Variants in MACROD2 observed in about 807,000 individuals in gnomAD.
The protein encoded by MACROD2 is mono-ADP ribosylhydrolase 2.
Under a neutral mutation model 70.4 loss-of-function variants are expected in MACROD2, and 36 were observed. The observed-to-expected ratio is 0.51, with a 90% CI of 0.39 to 0.68. The LOEUF (loss-of-function observed/expected upper bound fraction) is 0.68, where lower values mean the gene tolerates loss of function less well. MACROD2 is among the 30% of genes least tolerant of loss of function. The pLI is 0.00. For synonymous variants in MACROD2, 172 were observed against 178.8 expected, an observed-to-expected ratio of 0.96 and a Z score of 0.30; for missense variants, 496 against 538.4, an observed-to-expected ratio of 0.92 and a Z score of 0.78.
chr20:15,769,760 T>C (rs1269691725), intron 8 of MACROD2, among the ~76,000 whole-genome samples: 1 of 152,216 alleles, frequency 6.6e-6, no homozygotes, highest in African/African-American at 2.4e-5. Context: ...AAACTAACAC[T>C]GAATCTCCAT....
At chr20:15,402,715 T>G (rs2045946950) in intron 6 of MACROD2, among the ~76,000 whole-genome samples, 1 of 152,212 alleles carries the variant, frequency 6.6e-6, no homozygotes, top group Non-Finnish European at 1.5e-5. Flanking sequence ...ATAGAACTAA[T>G]TTGACACTGC....
intron 3 of MACROD2, among the ~76,000 whole-genome samples, chr20:14,197,676 A>C (rs564015096): frequency 2.4e-4 from 36 of 152,050 alleles, no homozygotes; most frequent in African/African-American, 8.2e-4. Flanking sequence ...CTGAGACAGG[A>C]CAATTGCTTG....
At chr20:14,992,164 A>G (rs1176689778) in intron 5 of MACROD2, among the ~76,000 whole-genome samples, 1 of 152,194 alleles carries the variant, frequency 6.6e-6, no homozygotes, top group Non-Finnish European at 1.5e-5. Context: ...TTTCTGGGTA[A>G]GTAGTTTAAG....
chr20:14,079,237 C>T (rs915678886), intron 2 of MACROD2, among the ~76,000 whole-genome samples: 1 of 152,132 alleles, frequency 6.6e-6, no homozygotes, highest in African/African-American at 2.4e-5. Flanking sequence ...AGGACTATGC[C>T]AGGTACTCTG....
At chr20:15,633,561 T>C (rs538849290) in intron 8 of MACROD2, among the ~76,000 whole-genome samples, 220 of 129,114 alleles carry the variant, frequency 1.7e-3, no homozygotes, top group African/African-American at 7.6e-3. Flanking sequence ...AATAGAAGCA[T>C]CCGTGAATTT....
intron 4 of MACROD2, among the ~76,000 whole-genome samples, chr20:14,530,133 T>C (rs1000503703): frequency 1.3e-5 from 2 of 152,128 alleles, no homozygotes; most frequent in African/African-American, 4.8e-5. Flanking sequence ...GCTGGGGTAA[T>C]TGTACCCCAG....
chr20:15,909,073 C>T (rs192694393), intron 10 of MACROD2, among the ~76,000 whole-genome samples: 46 of 152,300 alleles, frequency 3.0e-4, no homozygotes, highest in African/African-American at 9.1e-4. Context: ...TGGGGTGGCT[C>T]AGAAATTGGG....
intron 5 of MACROD2, among the ~76,000 whole-genome samples, chr20:15,038,502 G>A (rs538691968): frequency 1.3e-5 from 2 of 152,274 alleles, no homozygotes; most frequent in East Asian, 3.9e-4. Context: ...CCTGTTATTG[G>A]TTGTGGCCAA....
chr20:14,691,067 G>A (rs184177152), intron 5 of MACROD2, among the ~76,000 whole-genome samples: 10 of 152,092 alleles, frequency 6.6e-5, no homozygotes, highest in African/African-American at 2.2e-4. Context: ...ACAGGCATGC[G>A]CCACAACACC....
intron 3 of MACROD2, among the ~76,000 whole-genome samples, chr20:14,183,997 T>C (rs1369470373): frequency 6.6e-6 from 1 of 152,210 alleles, no homozygotes; most frequent in Non-Finnish European, 1.5e-5. Context: ...GTCTGTTTAC[T>C]TTTTTGATAG....
intron 5 of MACROD2, among the ~76,000 whole-genome samples, chr20:15,075,141 G>A (rs1601033265): frequency 6.6e-6 from 1 of 152,106 alleles, no homozygotes; most frequent in African/African-American, 2.4e-5. Flanking sequence ...CATATGTTAA[G>A]TGTAGACTCT....
chr20:15,827,996 A>C (rs1223120992), intron 8 of MACROD2, among the ~76,000 whole-genome samples: 1 of 152,182 alleles, frequency 6.6e-6, no homozygotes, highest in Admixed American at 6.5e-5. Flanking sequence ...TTTGTACATT[A>C]CCAGAGAAAA....
chr20:15,957,873 G>T (rs2066000133), intron 12 of MACROD2, among the ~76,000 whole-genome samples: 1 of 152,206 alleles, frequency 6.6e-6, no homozygotes, highest in Non-Finnish European at 1.5e-5. Flanking sequence ...TGGTGTGGGT[G>T]TGCCAAGAGG....
chr20:14,693,067 C>T (rs1374867522), intron 5 of MACROD2, among the ~76,000 whole-genome samples: 3 of 152,088 alleles, frequency 2.0e-5, no homozygotes, highest in Non-Finnish European at 2.9e-5. Context: ...CTCCTATTTC[C>T]TATGTGATCA....
At chr20:14,322,183 T>TATATATATATATATATATAC (rs1446290543) in intron 3 of MACROD2, among the ~76,000 whole-genome samples, 6 of 126,102 alleles carry the variant, frequency 4.8e-5, no homozygotes, top group African/African-American at 1.7e-4. Context: ...GAAATATATA[T>TATATATATATATATATATAC]ATATATATAT....
In MACROD2 at chr20:15,989,447, T is replaced by G. The variant is rs2066528447; in HGVS notation, c.1153+2289T>G. Among the ~76,000 whole-genome samples the G allele has an allele frequency of 1.3e-5, 2 of 152,162 alleles. 1 individual carries two copies. The highest frequency in any genetic ancestry group is 2.9e-5 in the Non-Finnish European group (2 of 68,010). On this transcript the variant is annotated intron_variant, in intron 15 of 17. Coordinates refer to ENST00000684519, the MANE Select transcript of MACROD2 (RefSeq NM_001351661.2). ...GGCATTTCTCTCCATTCATAAACAC[T>G]TCCTTGTTTGTCAGTATCTCAATCT...
intron 3 of MACROD2, among the ~76,000 whole-genome samples, chr20:14,255,084 G>A (rs1172806181): frequency 1.3e-5 from 2 of 152,204 alleles, no homozygotes; most frequent in East Asian, 1.9e-4. Flanking sequence ...GTTCTGGCTT[G>A]TAGAGTTTCT....
chr20:15,268,157 A>G (rs1358967891), intron 6 of MACROD2, among the ~76,000 whole-genome samples: 2 of 152,144 alleles, frequency 1.3e-5, no homozygotes, highest in Admixed American at 1.3e-4. Context: ...GTTTGACAAG[A>G]GAGAGGGGAG....
intron 11 of MACROD2, among the ~76,000 whole-genome samples, chr20:15,935,971 G>A (rs1025281185): frequency 1.3e-5 from 2 of 152,104 alleles, no homozygotes; most frequent in Admixed American, 1.3e-4. Flanking sequence ...GATAGTGACA[G>A]AGAATTCTGT....
Sources: gnomAD v4.1 joint callset for allele counts (sites outside exome capture counted in the v4.1 genomes callset) on GRCh38, gnomAD v4.1.1 for gene constraint, MANE v1.5 for transcripts, NCBI Gene and HGNC (gene_info 2026-07-23, HGNC 2026-07-21) for gene names.